Variants in ETV7 observed in about 807,000 individuals in gnomAD.
The protein encoded by ETV7 is transcription factor ETV7.
Under a neutral mutation model 39.1 loss-of-function variants are expected in ETV7, and 43 were observed. That is an observed-to-expected ratio of 1.10 (90% CI 0.86 to 1.42). ETV7 has a LOEUF of 1.42. Among genes scored for constraint, ETV7 ranks in the 40% most tolerant of loss-of-function variants. The probability of loss-of-function intolerance (pLI) is 0.00; values close to 1 mark genes in which losing one functional copy is unlikely to be tolerated. For synonymous variants in ETV7, 196 were observed against 176.6 expected, an observed-to-expected ratio of 1.11 and a Z score of -0.87; for missense variants, 432 against 442.3, an observed-to-expected ratio of 0.98 and a Z score of 0.21.
chr6:36,369,095 A>G, intron 5 of ETV7, 24 bp from the exon 6 acceptor site: 6 of 1,613,436 alleles, frequency 3.7e-6, no homozygotes, highest in Non-Finnish European at 5.1e-6. Context: ...CAGGGAGTGC[A>G]GGCAGCGCAG....
At position 36,369,004 on chromosome 6, in the gene ETV7, C is replaced by G; in HGVS notation, c.732G>C (p.Lys244Asn). 6.2e-7 allele frequency: 1 copy of G among 1,614,190 alleles called. No homozygotes were observed. Among genetic ancestry groups the G allele is most frequent in the Non-Finnish European group, 8.5e-7 (1 of 1,180,032 alleles). The change falls in exon 6 of 8, where the codon AAG becomes AAC. Residue 244 changes from lysine (K) to asparagine (N), a missense_variant. By Grantham distance (94) the Lys-to-Asn change is moderately conservative. Coordinates refer to ENST00000340181, the MANE Select transcript of ETV7 (RefSeq NM_016135.4). ...AGATCTTGGCGTCCTTGTCTTCCCA[C>G]TTGATGTAGGGCTCATATCGGGTAT... The part of the protein sequence containing the change: ...LLDTRYEPYI[K>N]WEDKDAKIFR...
intron 2 of ETV7, among the ~76,000 whole-genome samples, chr6:36,382,808 A>T (rs1773716450): frequency 1.3e-5 from 2 of 152,226 alleles, no homozygotes; most frequent in African/African-American, 4.8e-5. Context: ...ATTTCAAAAC[A>T]CAAAGAAGTC....
intron 2 of ETV7, among the ~76,000 whole-genome samples, chr6:36,379,185 C>T (rs1257761864): frequency 1.3e-5 from 2 of 152,230 alleles, no homozygotes; most frequent in Non-Finnish European, 2.9e-5. Flanking sequence ...TGTACCTGAA[C>T]TCATATTTTT....
rs189664228 is a variant in ETV7 at position 36,368,770 on chromosome 6, C to T, written c.807+159G>A. 8.6e-4 allele frequency among the ~76,000 whole-genome samples: 131 copies of T among 152,270 alleles called. 2 individuals carry two copies. Among genetic ancestry groups the T allele is most frequent in the Admixed American group, 6.7e-3 (102 of 15,300 alleles). On this transcript the variant is annotated intron_variant, in intron 6 of 7. Coordinates refer to ENST00000340181, the MANE Select transcript of ETV7 (RefSeq NM_016135.4). ...CATCCATAAGAGGTAACTGCCTGTC[C>T]CTCAATAGCTCCCCAAATAAAATTA...
chr6:36,362,212 G>C (rs1229666932), downstream of ETV7, among the ~76,000 whole-genome samples: 1 of 152,146 alleles, frequency 6.6e-6, no homozygotes, highest in African/African-American at 2.4e-5. Flanking sequence ...TGAGGCAGGA[G>C]AATGGCGTGA....
At chr6:36,360,094 T>C (rs1401889416) in intron 7 of ETV7, among the ~76,000 whole-genome samples, 1 of 152,186 alleles carries the variant, frequency 6.6e-6, no homozygotes, top group African/African-American at 2.4e-5. Context: ...AGTTTCACCA[T>C]GTTGGCCAGG....
intron 2 of ETV7, among the ~76,000 whole-genome samples, chr6:36,382,898 G>A (rs906995181): frequency 6.6e-6 from 1 of 152,156 alleles, no homozygotes; most frequent in African/African-American, 2.4e-5. Context: ...AAGAGACGCA[G>A]GACCGAGAAG....
Position 36,366,263 on chromosome 6 carries a change from T to A in ETV7, c.*382A>T. The A allele has an allele frequency of 9.5e-7, 1 of 1,053,550 alleles. No homozygotes were observed. Among genetic ancestry groups the A allele is most frequent in the South Asian group, 3.7e-5 (1 of 26,954 alleles). The allele number at this position is 1,053,550 out of a possible 1,614,324, so 65.3% of individuals were successfully genotyped here. ...CTGGAAGCACTAACACTTTTTCCCA[T>A]TTCCTGCCTCAGCCCATTTCACAGG... On this transcript the variant is annotated 3_prime_UTR_variant, in exon 8 of 8. Transcript: ENST00000340181.
chr6:36,365,491 C>T (rs1176668549), downstream of ETV7, among the ~76,000 whole-genome samples: 1 of 152,114 alleles, frequency 6.6e-6, no homozygotes, highest in Admixed American at 6.5e-5. Flanking sequence ...AACCTGAGGC[C>T]CCAGAGAGGC....
In ETV7 at chr6:36,359,899, CT is replaced by C. The variant is rs573818232; in HGVS notation, c.909-5213del. Among the ~76,000 whole-genome samples, 503 of 146,718 alleles carry C rather than the reference CT, an allele frequency of 3.4e-3. 3 individuals carry two copies. Among genetic ancestry groups the C allele is most frequent in the African/African-American group, 0.011 (426 of 40,276 alleles). ...GTAGAAAACTAAGGAAGCCTCAGTC[CT>C]TTTTTTTTTTCTTTTGAGACCGAGT... On this transcript the variant is annotated intron_variant, in intron 7 of 7. Transcript: ENST00000339796.
At chr6:36,361,516 G>A (rs906130673), downstream of ETV7, among the ~76,000 whole-genome samples, 2 of 152,224 alleles carry the variant, frequency 1.3e-5, no homozygotes, top group Non-Finnish European at 1.5e-5. Flanking sequence ...CTGTGACAAA[G>A]AGGATGGGTC....
intron 2 of ETV7, among the ~76,000 whole-genome samples, chr6:36,379,080 G>A (rs1487308900): frequency 6.6e-6 from 1 of 152,252 alleles, no homozygotes; most frequent in African/African-American, 2.4e-5. Context: ...GTAAAATGTG[G>A]AGGCCACACG....
chr6:36,368,846 C>T (rs1772852472), intron 6 of ETV7, 83 bp downstream of exon 6: 1 of 1,578,466 alleles, frequency 6.3e-7, no homozygotes, highest in Non-Finnish European at 8.7e-7. Flanking sequence ...TGAGGATTGT[C>T]CCATAGTGCT....
intron 3 of ETV7, among the ~76,000 whole-genome samples, chr6:36,375,083 AAG>A (rs1773249231): frequency 6.6e-6 from 1 of 151,124 alleles, no homozygotes; most frequent in Non-Finnish European, 1.5e-5. Context: ...AAAAAAAAAA[AAG>A]AACTTGGGAT....
intron 3 of ETV7, 75 bp downstream of exon 3, chr6:36,375,796 G>C (rs2234078): frequency 8.7e-6 from 14 of 1,605,320 alleles, no homozygotes; most frequent in Non-Finnish European, 9.3e-6. Context: ...CCCTCCCTGG[G>C]CCCCCCGGGG....
chr6:36,361,723 C>G (rs1376809677), downstream of ETV7, among the ~76,000 whole-genome samples: 3 of 152,242 alleles, frequency 2.0e-5, no homozygotes, highest in Non-Finnish European at 4.4e-5. Flanking sequence ...TGGACCAAGA[C>G]AGTGACTTGT....
downstream of ETV7, among the ~76,000 whole-genome samples, chr6:36,363,177 A>C (rs1772569911): frequency 6.6e-6 from 1 of 152,216 alleles, no homozygotes; most frequent in South Asian, 2.1e-4. Flanking sequence ...TGACTTCAAG[A>C]ATGAAGCCGC....
intron 2 of ETV7, among the ~76,000 whole-genome samples, chr6:36,379,045 A>G (rs1367911605): frequency 1.3e-5 from 2 of 152,242 alleles, no homozygotes; most frequent in African/African-American, 4.8e-5. Flanking sequence ...CTGGTGATAC[A>G]TGAGACGCCG....
At chr6:36,362,989 A>C (rs940021084), downstream of ETV7, among the ~76,000 whole-genome samples, 6 of 152,250 alleles carry the variant, frequency 3.9e-5, no homozygotes, top group African/African-American at 1.4e-4. Flanking sequence ...TTCAGGAGCG[A>C]AGAAGCTGGG....
Sources: allele counts gnomAD v4.1 joint callset (sites outside exome capture counted in the v4.1 genomes callset), GRCh38; gene constraint gnomAD v4.1.1; transcripts MANE v1.5; gene names NCBI Gene and HGNC (gene_info 2026-07-23, HGNC 2026-07-21).